Variants in GRAMD1B observed in about 807,000 individuals in gnomAD.
GRAMD1B encodes protein Aster-B.
Under a neutral mutation model 99.7 loss-of-function variants are expected in GRAMD1B, and 37 were observed. The ratio of observed to expected loss-of-function variants is 0.37; its 90% CI spans 0.29 to 0.49. The LOEUF is 0.49. GRAMD1B is among the 20% of genes least tolerant of loss of function. The pLI, the probability that GRAMD1B is intolerant of heterozygous loss-of-function variation, is 0.98. For synonymous variants in GRAMD1B, 427 were observed against 387.6 expected (o/e 1.10, Z -1.19); for missense variants, 888 against 1,009.2 (o/e 0.88, Z 1.63).
chr11:123,548,321 TATATACAC>T (rs1339921792), intron 2 of GRAMD1B, among the ~76,000 whole-genome samples: 10 of 107,236 alleles, frequency 9.3e-5, no homozygotes, highest in Admixed American at 2.0e-4. Context: ...TATATATATA[TATATACAC>T]ACACACACAC....
At chr11:123,576,819 A>G (rs576924276) in intron 2 of GRAMD1B, among the ~76,000 whole-genome samples, 2 of 152,336 alleles carry the variant, frequency 1.3e-5, no homozygotes, top group South Asian at 4.1e-4. Context: ...ACTGGTCTTC[A>G]TTTTTTAACA....
intron 1 of GRAMD1B, among the ~76,000 whole-genome samples, chr11:123,402,699 A>G (rs768695967): frequency 2.6e-5 from 4 of 152,180 alleles, no homozygotes; most frequent in Non-Finnish European, 5.9e-5. Context: ...AAGTGACCTC[A>G]CAATTGTAAC....
At chr11:123,461,300 GCTGGCA>G (rs751385183) in intron 1 of GRAMD1B, among the ~76,000 whole-genome samples, 3 of 152,206 alleles carry the variant, frequency 2.0e-5, no homozygotes, top group Admixed American at 6.5e-5. Flanking sequence ...GAAAAGCCAA[GCTGGCA>G]CTGCTACCAG....
intron 1 of GRAMD1B, among the ~76,000 whole-genome samples, chr11:123,398,086 A>G (rs1363454344): frequency 6.6e-6 from 1 of 152,236 alleles, no homozygotes; most frequent in Non-Finnish European, 1.5e-5. Context: ...TTGTTCCTCT[A>G]GAGAAAATAC....
intron 1 of GRAMD1B, among the ~76,000 whole-genome samples, chr11:123,365,288 G>A (rs908259469): frequency 6.7e-6 from 1 of 149,678 alleles, no homozygotes; most frequent in Non-Finnish European, 1.5e-5. Context: ...GTCTCACACC[G>A]TTGCCCAGGC....
rs55890434 is a variant in GRAMD1B, at chr11:123,383,205, G to GCTCTCTCT, written c.-176+24430_-176+24437dup. On this transcript the variant is annotated intron_variant, in intron 1 of 20. Coordinates refer to the GRAMD1B transcript ENST00000638157. ...AGAGTGCTTCCTACTTCAGAGTCTT[G>GCTCTCTCT]CTCTCTCTCTCTCTCTCTCTCTCTC... 2.7e-5 allele frequency among the ~76,000 whole-genome samples: 4 copies of GCTCTCTCT among 146,856 alleles called. 1 individual carries two copies. The highest frequency in any genetic ancestry group is 4.4e-4 in the South Asian group (2 of 4,520).
upstream of GRAMD1B, among the ~76,000 whole-genome samples, chr11:123,425,893 G>T (rs749713196): frequency 1.8e-4 from 28 of 152,218 alleles, 1 homozygote; most frequent in Non-Finnish European, 1.3e-4. Context: ...ACTCGTGAAA[G>T]AAACAAAAGG....
chr11:123,403,448 G>GATGATAATAATA (rs1251720908), intron 1 of GRAMD1B, among the ~76,000 whole-genome samples: 23 of 139,178 alleles, frequency 1.7e-4, no homozygotes, highest in Non-Finnish European at 1.8e-4. Context: ...TGATGATGAT[G>GATGATAATAATA]ATAATAATAA....
At chr11:123,417,109 T>G (rs1410258187) in intron 1 of GRAMD1B, among the ~76,000 whole-genome samples, 1 of 152,222 alleles carries the variant, frequency 6.6e-6, no homozygotes, top group East Asian at 1.9e-4. Context: ...GTGCAGTGGC[T>G]TAAGCCTGTA....
At chr11:123,391,653 AC>A (rs2135857244) in intron 1 of GRAMD1B, among the ~76,000 whole-genome samples, 1 of 152,216 alleles carries the variant, frequency 6.6e-6, no homozygotes, top group East Asian at 1.9e-4. Context: ...ATGGAGTTTC[AC>A]CATGTTGGTC....
At chr11:123,578,714 C>T (rs73615847) in intron 3 of GRAMD1B, among the ~76,000 whole-genome samples, 8,215 of 152,226 alleles carry the variant, frequency 0.054, 333 homozygotes, top group African/African-American at 0.11. Flanking sequence ...GGAGTTTATT[C>T]CCTCCTTACA....
chr11:123,446,542 AC>A (rs1368330851), intron 1 of GRAMD1B, among the ~76,000 whole-genome samples: 1 of 152,192 alleles, frequency 6.6e-6, no homozygotes, highest in Admixed American at 6.5e-5. Flanking sequence ...TTAGAGGTTA[AC>A]AGAGAGGACA....
At chr11:123,594,270 C>A in intron 5 of GRAMD1B, 104 bp downstream of exon 5, 2 of 784,116 alleles carry the variant, frequency 2.6e-6, no homozygotes, top group Non-Finnish European at 2.3e-6. Flanking sequence ...CCCAGGTAAG[C>A]AAGGGAACAG....
chr11:123,434,010 G>A (rs1949038673), intron 1 of GRAMD1B, among the ~76,000 whole-genome samples: 1 of 151,762 alleles, frequency 6.6e-6, no homozygotes, highest in Non-Finnish European at 1.5e-5. Flanking sequence ...CAGGCAGATT[G>A]CCTGAGCTCA....
chr11:123,410,050 C>T (rs188216105), intron 1 of GRAMD1B, among the ~76,000 whole-genome samples: 9 of 152,172 alleles, frequency 5.9e-5, no homozygotes, highest in African/African-American at 2.2e-4. Flanking sequence ...CCTTTCTGAC[C>T]CCCTGTGCCA....
intron 9 of GRAMD1B, among the ~76,000 whole-genome samples, chr11:123,604,688 C>T (rs973154271): frequency 1.3e-5 from 2 of 152,144 alleles, no homozygotes; most frequent in East Asian, 1.9e-4. Context: ...TAAGGATTTC[C>T]GGAGAGTTGT....
At chr11:123,415,204 G>A (rs1413528081) in intron 1 of GRAMD1B, among the ~76,000 whole-genome samples, 4 of 140,666 alleles carry the variant, frequency 2.8e-5, no homozygotes, top group Non-Finnish European at 6.0e-5. Context: ...CCAGGTTCAA[G>A]CGATTCTCTT....
At chr11:123,470,986 A>T (rs1043360871) in intron 1 of GRAMD1B, among the ~76,000 whole-genome samples, 16 of 152,192 alleles carry the variant, frequency 1.1e-4, no homozygotes, top group African/African-American at 3.6e-4. Flanking sequence ...GTGACTAAGG[A>T]ACTGCATTTT....
chr11:123,473,267 T>G (rs567973623), intron 1 of GRAMD1B, among the ~76,000 whole-genome samples: 1 of 152,238 alleles, frequency 6.6e-6, no homozygotes, highest in South Asian at 2.1e-4. Flanking sequence ...TTTCACCATG[T>G]TAGCCAGGCT....
Sources: allele counts gnomAD v4.1 joint callset (sites outside exome capture counted in the v4.1 genomes callset), GRCh38; gene constraint gnomAD v4.1.1; transcripts MANE v1.5; gene names NCBI Gene and HGNC (gene_info 2026-07-23, HGNC 2026-07-21).